The following CFAP299 variants were observed in gnomAD, a reference collection of about 807,000 sequenced individuals.
CFAP299 encodes the protein cilia and flagella associated protein 299.
In CFAP299, 21 loss-of-function variants were observed where a neutral mutation model predicts 27.0. The observed-to-expected ratio is 0.78, with a 90% CI of 0.55 to 1.12. The LOEUF (loss-of-function observed/expected upper bound fraction) is 1.12. Among genes scored for constraint, CFAP299 ranks in the 50% most tolerant of loss-of-function variants. CFAP299 has a pLI of 0.00. For synonymous variants in CFAP299, 104 were observed against 98.1 expected, an observed-to-expected ratio of 1.06 and a Z score of -0.36; for missense variants, 310 against 276.6, an observed-to-expected ratio of 1.12 and a Z score of -0.86.
At chr4:80,781,727 T>C (rs972705397) in intron 3 of CFAP299, among the ~76,000 whole-genome samples, 2 of 151,726 alleles carry the variant, frequency 1.3e-5, no homozygotes, top group Admixed American at 1.3e-4. Flanking sequence ...GATTGGATAA[T>C]TGGAGAAAAT....
At chr4:80,888,467 T>C (rs943310915) in intron 4 of CFAP299, among the ~76,000 whole-genome samples, 1 of 151,974 alleles carries the variant, frequency 6.6e-6, no homozygotes, top group African/African-American at 2.4e-5. Context: ...CATCACCAGA[T>C]ATATAAAGCA....
chr4:80,803,273 T>A (rs1728703685), intron 3 of CFAP299, among the ~76,000 whole-genome samples: 1 of 152,034 alleles, frequency 6.6e-6, no homozygotes, highest in South Asian at 2.1e-4. Context: ...TACATACAGA[T>A]ACAGAAACAT....
chr4:80,656,519 T>G (rs1424052226), intron 3 of CFAP299, among the ~76,000 whole-genome samples: 2 of 152,188 alleles, frequency 1.3e-5, no homozygotes, highest in Non-Finnish European at 2.9e-5. Flanking sequence ...AATGATGGTT[T>G]CCAGCTTGAT....
intron 3 of CFAP299, among the ~76,000 whole-genome samples, chr4:80,622,979 A>G (rs1016196485): frequency 2.0e-5 from 3 of 152,194 alleles, no homozygotes; most frequent in Non-Finnish European, 4.4e-5. Context: ...TGTAGACCAA[A>G]GTAAGTGAGA....
intron 2 of CFAP299, among the ~76,000 whole-genome samples, chr4:80,552,784 C>T (rs1485381905): frequency 2.0e-5 from 3 of 152,042 alleles, no homozygotes; most frequent in Admixed American, 2.0e-4. Flanking sequence ...TACTCCTTCA[C>T]TCAAGCAGTC....
chr4:80,599,430 A>G (rs1453746235), intron 3 of CFAP299, among the ~76,000 whole-genome samples: 1 of 152,166 alleles, frequency 6.6e-6, no homozygotes, highest in Non-Finnish European at 1.5e-5. Context: ...TATCCTGTGA[A>G]CTATCCTTAA....
chr4:80,438,730 T>C (rs1728210287), intron 2 of CFAP299, among the ~76,000 whole-genome samples: 1 of 152,208 alleles, frequency 6.6e-6, no homozygotes. Context: ...TTACAATCCT[T>C]ATGTACAATT....
chr4:80,730,280 A>ATG (rs1553953974), intron 3 of CFAP299, among the ~76,000 whole-genome samples: 6,736 of 75,922 alleles, frequency 0.089, 170 homozygotes, highest in Non-Finnish European at 0.13. Context: ...GTGTGTGTGT[A>ATG]TGTGTGTGTG....
chr4:80,599,519 G>A (rs975186990), intron 3 of CFAP299, among the ~76,000 whole-genome samples: 23 of 152,090 alleles, frequency 1.5e-4, no homozygotes, highest in African/African-American at 5.3e-4. Context: ...TGTAGTTAGT[G>A]ACCCAGTCGG....
At chr4:80,482,398 C>A (rs1352020551) in intron 2 of CFAP299, among the ~76,000 whole-genome samples, 3 of 152,030 alleles carry the variant, frequency 2.0e-5, no homozygotes, top group Non-Finnish European at 2.9e-5. Flanking sequence ...CATTATAATT[C>A]TCCTAAGAAA....
chr4:80,403,996 G>C (rs1234020020), intron 2 of CFAP299, among the ~76,000 whole-genome samples: 1 of 151,932 alleles, frequency 6.6e-6, no homozygotes, highest in Non-Finnish European at 1.5e-5. Flanking sequence ...TTGACAATGG[G>C]GTCCTACGTA....
At chr4:80,939,852 C>T (rs35274081) in intron 4 of CFAP299, among the ~76,000 whole-genome samples, 11,985 of 152,124 alleles carry the variant, frequency 0.079, 553 homozygotes, top group Middle Eastern at 0.17. Flanking sequence ...TGGGTTTGCC[C>T]ACCCCACTGC....
chr4:80,501,747 A>G (rs11731831), intron 2 of CFAP299, among the ~76,000 whole-genome samples: 58,348 of 151,364 alleles, frequency 0.39, 14,604 homozygotes, highest in African/African-American at 0.71. Flanking sequence ...CATTTTTGAT[A>G]GAAAATTTGT....
chr4:80,960,944 A>G (rs1484808225), intron 5 of CFAP299, among the ~76,000 whole-genome samples: 1 of 151,840 alleles, frequency 6.6e-6, no homozygotes, highest in African/African-American at 2.4e-5. Flanking sequence ...AATTACGCCT[A>G]ATAATTAGGC....
chr4:80,673,343 GT>G (rs1741617948), intron 3 of CFAP299, among the ~76,000 whole-genome samples: 1 of 152,098 alleles, frequency 6.6e-6, no homozygotes, highest in Non-Finnish European at 1.5e-5. Flanking sequence ...TTAATCCTGA[GT>G]TCTACTTTGA....
intron 2 of CFAP299, among the ~76,000 whole-genome samples, chr4:80,416,919 T>C (rs1265882798): frequency 6.6e-6 from 1 of 152,172 alleles, no homozygotes; most frequent in African/African-American, 2.4e-5. Context: ...CAAGAAATAA[T>C]TCAGGGTGAG....
intron 4 of CFAP299, among the ~76,000 whole-genome samples, chr4:80,879,252 A>T (rs932949791): frequency 2.0e-5 from 3 of 152,148 alleles, no homozygotes; most frequent in Non-Finnish European, 4.4e-5. Context: ...GTCCAACATT[A>T]GCAACTTCAG....
At chr4:80,923,272 A>T (rs555921889) in intron 4 of CFAP299, among the ~76,000 whole-genome samples, 1 of 151,996 alleles carries the variant, frequency 6.6e-6, no homozygotes, top group African/African-American at 2.4e-5. Context: ...AGTTCCAAAA[A>T]TTTTGTGCAA....
At chr4:80,584,967 A>T (rs986744276) in intron 3 of CFAP299, among the ~76,000 whole-genome samples, 1 of 152,066 alleles carries the variant, frequency 6.6e-6, no homozygotes, top group Non-Finnish European at 1.5e-5. Context: ...GGTGCTATGG[A>T]GGAAAAACAT....
Sources: allele counts gnomAD v4.1 joint callset (sites outside exome capture counted in the v4.1 genomes callset), GRCh38; gene constraint gnomAD v4.1.1; transcripts MANE v1.5; gene names NCBI Gene and HGNC (gene_info 2026-07-23, HGNC 2026-07-21).